Variants in ZNF70 observed in about 807,000 individuals in gnomAD.
ZNF70 encodes the protein zinc finger protein N27C7-1.
In ZNF70, 18 loss-of-function variants were observed where a neutral mutation model predicts 37.7. That is an observed-to-expected ratio of 0.48 (90% CI 0.33 to 0.71). The LOEUF (loss-of-function observed/expected upper bound fraction) is 0.71. Ranked by LOEUF, ZNF70 falls within the 30% of genes least tolerant of loss-of-function variation. The pLI, the probability that ZNF70 is intolerant of heterozygous loss-of-function variation, is 0.02. For missense variants in ZNF70, 506 were observed against 568.6 expected, an observed-to-expected ratio of 0.89 and a Z score of 1.12; for synonymous variants, 219 against 220.1, an observed-to-expected ratio of 0.99 and a Z score of 0.05.
At position 23,745,053 on chromosome 22, in the gene ZNF70, C is replaced by A; in HGVS notation, c.88G>T (p.Asp30Tyr). ...ESQQGLFPGE[D>Y]LGDPFLQERG... ...TCCTGAAGAAAAGGGTCCCCCAGGT[C>A]CTCCCCTGGGAAAAGCCCTTGTTGT... The change falls in exon 2 of 2, where the codon GAC (aspartate) becomes TAC (tyrosine). Residue 30 changes from aspartate to tyrosine, a missense_variant. Transcript: ENST00000341976. The A allele has an allele frequency of 1.9e-6, 3 of 1,614,204 alleles. No homozygotes were observed. The highest frequency in any genetic ancestry group is 2.5e-6 in the Non-Finnish European group (3 of 1,180,022).
At chr22:23,748,757 C>T (rs2145901139) in intron 1 of ZNF70, among the ~76,000 whole-genome samples, 1 of 152,042 alleles carries the variant, frequency 6.6e-6, no homozygotes, top group South Asian at 2.1e-4. Context: ...GTTGGCCAGG[C>T]TGGTCTCGAA....
chr22:23,744,601 G>C lies in ZNF70; in HGVS notation c.540C>G (p.Ser180Arg), dbSNP rs747159463. 1.9e-6 allele frequency: 3 copies of C among 1,613,860 alleles called. No individual in the cohort carries two copies. The highest frequency in any genetic ancestry group is 2.5e-6 in the Non-Finnish European group (3 of 1,179,892). ...TGATCTGGTGCCTGAGCAGGTGGGAGCTCTGGCTGAAGGCCTTCCCGCACT... is the reference window on the plus strand; with the variant it reads ...TGATCTGGTGCCTGAGCAGGTGGGACCTCTGGCTGAAGGCCTTCCCGCACT... ...CCECGKAFSQ[S>R]SHLLRHQIIH... Residue 180 changes from serine to arginine, a missense_variant, in exon 2 of 2, where the codon AGC becomes AGG. Physicochemically the swap from Ser to Arg is moderately radical, Grantham distance 110 (BLOSUM62 -1). Transcript: ENST00000341976.
rs149738181 is a variant in ZNF70 at position 23,744,242 on chromosome 22, C to T, written c.899G>A (p.Arg300Gln). Reference sequence around the variant, plus strand: ...GTATGGTTTCTTCCCAGTGTGGATCCGCTGGTGTCGGATGAGGTGTGACCT... The same window carrying T: ...GTATGGTTTCTTCCCAGTGTGGATCTGCTGGTGTCGGATGAGGTGTGACCT... The part of the protein sequence containing the change: ...CHRSHLIRHQ[R>Q]IHTGKKPYKC... Residue 300 changes from arginine (R) to glutamine (Q), a missense_variant, in exon 2 of 2, where the codon CGG becomes CAG. Transcript: ENST00000341976. 2.1e-5 allele frequency: 33 copies of T among 1,607,328 alleles called. No individual in the cohort carries two copies. The highest frequency in any genetic ancestry group is 4.4e-5 in the South Asian group (4 of 90,686).
Position 23,743,636 on chromosome 22 carries a change from C to T in ZNF70, c.*164G>A. On this transcript the variant is annotated 3_prime_UTR_variant, in exon 2 of 2. Transcript: ENST00000341976. Reference sequence around the variant, plus strand: ...CCTGCTGAGAGCTGGCGTGCTTGGCCCAGGGCCACACAGGGCCTTCCTGCT... The same window carrying T: ...CCTGCTGAGAGCTGGCGTGCTTGGCTCAGGGCCACACAGGGCCTTCCTGCT... The T allele has an allele frequency of 9.6e-7, 1 of 1,046,918 alleles. No individual in the cohort carries two copies. The highest frequency in any genetic ancestry group is 1.4e-6 in the Non-Finnish European group (1 of 725,716). 64.9% of individuals were successfully genotyped at this position (1,046,918 alleles called of 1,614,324 possible). A position where few individuals can be genotyped will look rare whatever the true frequency, so the allele number is the denominator to read the frequency against.
At position 23,745,017 on chromosome 22, in the gene ZNF70, C is replaced by G; in HGVS notation, c.124G>C (p.Glu42Gln). 1 of 1,614,164 alleles carries G rather than the reference C, an allele frequency of 6.2e-7. No individual in the cohort carries two copies. Among genetic ancestry groups the G allele is most frequent in the Non-Finnish European group, 8.5e-7 (1 of 1,180,026 alleles). ...GDPFLQERGL[E>Q]QMAVIYKEIP... ...TCCTTGTAGATCACAGCCATTTGCT[C>G]CAAACCTCTTTCCTGAAGAAAAGGG... Residue 42 changes from glutamate (E) to glutamine (Q), a missense_variant, in exon 2 of 2, where the codon GAG (glutamate) becomes CAG (glutamine). Coordinates refer to ENST00000341976, the MANE Select transcript of ZNF70 (RefSeq NM_021916.4).
chr22:23,747,940 C>A (rs1925186571), intron 1 of ZNF70, among the ~76,000 whole-genome samples: 1 of 152,176 alleles, frequency 6.6e-6, no homozygotes, highest in Non-Finnish European at 1.5e-5. Context: ...ACAGCCCACT[C>A]AGCACTCCCC....
rs1342158840 is a variant in ZNF70 at position 23,741,576 on chromosome 22, T to C, written c.*2224A>G. The C allele has an allele frequency of 1.3e-5, 2 of 152,258 alleles. No homozygotes were observed. Among genetic ancestry groups the C allele is most frequent in the East Asian group, 3.8e-4 (2 of 5,196 alleles). 9.4% of individuals were successfully genotyped at this position (152,258 alleles called of 1,614,324 possible). ...CTCTGGCCTATCAAGACCCACTTAG[T>C]AACAGTTATGGCTTTCCCATGTTTA... On this transcript the variant is annotated 3_prime_UTR_variant, in exon 2 of 2. Transcript: ENST00000341976.
At chr22:23,746,819 C>T (rs1037105469) in intron 1 of ZNF70, among the ~76,000 whole-genome samples, 1 of 152,132 alleles carries the variant, frequency 6.6e-6, no homozygotes, top group Non-Finnish European at 1.5e-5. Context: ...CCCCCCAACA[C>T]TTCTAATTTT....
chr22:23,747,250 G>T (rs1426048922), intron 1 of ZNF70, among the ~76,000 whole-genome samples: 2 of 152,190 alleles, frequency 1.3e-5, no homozygotes, highest in Non-Finnish European at 2.9e-5. Context: ...CATAGCAGGA[G>T]GTGAGCGGAA....
rs527998453 is a variant in ZNF70 at position 23,749,419 on chromosome 22, T to C, written c.-80+1292A>G. Among the ~76,000 whole-genome samples the C allele has an allele frequency of 9.0e-4, 109 of 120,974 alleles. 3 individuals carry two copies. The highest frequency in any genetic ancestry group is 9.0e-3 in the Admixed American group (99 of 11,060). The allele number at this position is 120,974 out of a possible 152,430, so 79.4% of individuals were successfully genotyped here. Reference sequence around the variant, plus strand: ...GGCAGGTGCCTGTAGTCCCAGCTACTTGGGAGGCTGAGGCAGGAGAATGGC... The same window carrying C: ...GGCAGGTGCCTGTAGTCCCAGCTACCTGGGAGGCTGAGGCAGGAGAATGGC... On this transcript the variant is annotated intron_variant, in intron 1 of 1. Transcript: ENST00000341976.
Position 23,743,884 on chromosome 22 carries a change from G to T in ZNF70, c.1257C>A (p.Tyr419Ter). 5 of 1,613,004 alleles carry T rather than the reference G, an allele frequency of 3.1e-6. No homozygotes were observed. The highest frequency in any genetic ancestry group is 4.2e-6 in the Non-Finnish European group (5 of 1,178,994). The change falls in exon 2 of 2, where the codon TAC (tyrosine) becomes TAA (stop). Residue 419 changes from tyrosine to a stop codon, truncating the protein, a stop_gained. Coordinates refer to ENST00000341976, the MANE Select transcript of ZNF70 (RefSeq NM_021916.4). LOFTEE classifies it high-confidence loss of function. The part of the protein sequence containing the change: ...HYKTHTREKP[Y>*]VCNLCGKSFR... ...AGGACTTGCCGCACAGATTGCACACGTAGGGCTTCTCTCTGGTGTGGGTTT... is the reference window on the plus strand; with the variant it reads ...AGGACTTGCCGCACAGATTGCACACTTAGGGCTTCTCTCTGGTGTGGGTTT...
At chr22:23,749,364 A>C (rs1312017891) in intron 1 of ZNF70, among the ~76,000 whole-genome samples, 3 of 135,058 alleles carry the variant, frequency 2.2e-5, no homozygotes, top group Non-Finnish European at 4.7e-5. Flanking sequence ...AAAAAAAAAA[A>C]AAAAAAAAAA....
chr22:23,739,466 T>C lies in ZNF70; in HGVS notation c.*4334A>G, dbSNP rs553782962. ...CACGCACGGCTAATTTTTTGTATTTTTAATAGAGACAGGGTTTCATCGTGT... is the reference window on the plus strand; with the variant it reads ...CACGCACGGCTAATTTTTTGTATTTCTAATAGAGACAGGGTTTCATCGTGT... On this transcript the variant is annotated 3_prime_UTR_variant, in exon 2 of 2. Coordinates refer to ENST00000341976, the MANE Select transcript of ZNF70 (RefSeq NM_021916.4). The C allele has an allele frequency of 5.9e-5, 9 of 151,898 alleles. No homozygotes were observed. The highest frequency in any genetic ancestry group is 2.2e-4 in the African/African-American group (9 of 41,422). The allele number at this position is 151,898 out of a possible 1,614,324, so 9.4% of individuals were successfully genotyped here.
chr22:23,746,575 C>T (rs942273024), intron 1 of ZNF70, among the ~76,000 whole-genome samples: 2 of 151,932 alleles, frequency 1.3e-5, no homozygotes, highest in Non-Finnish European at 2.9e-5. Context: ...AATCCATCTC[C>T]TGTCTGTCTG....
At position 23,743,443 on chromosome 22, in the gene ZNF70, A is replaced by G. The variant is rs1924950465; in HGVS notation, c.*357T>C. 2 of 228,976 alleles carry G rather than the reference A, an allele frequency of 8.7e-6. No homozygotes were observed. The highest frequency in any genetic ancestry group is 5.0e-5 in the Admixed American group (1 of 19,994). The allele number at this position is 228,976 out of a possible 1,614,324, so 14.2% of individuals were successfully genotyped here. On this transcript the variant is annotated 3_prime_UTR_variant, in exon 2 of 2. Transcript: ENST00000341976. The stretch of plus-strand genomic sequence containing the variant: ...TCTGATATTTTCCTGGGTTTAATTC[A>G]ACTTTCTCCCTCTTGGCATTTATTC...
chr22:23,749,240 C>A (rs769119878), intron 1 of ZNF70, among the ~76,000 whole-genome samples: 86 of 149,922 alleles, frequency 5.7e-4, no homozygotes, highest in Non-Finnish European at 1.0e-3. Context: ...CCCAGCTACT[C>A]CGGGAGGCTG....
At chr22:23,750,320 T>C (rs924257213) in intron 1 of ZNF70, among the ~76,000 whole-genome samples, 1 of 152,160 alleles carries the variant, frequency 6.6e-6, no homozygotes, top group Non-Finnish European at 1.5e-5. Flanking sequence ...TTTCCTTAGT[T>C]ACCAATATTT....
chr22:23,746,670 G>A (rs1438793650), intron 1 of ZNF70, among the ~76,000 whole-genome samples: 3 of 152,044 alleles, frequency 2.0e-5, no homozygotes, highest in African/African-American at 4.8e-5. Context: ...TTGGCTCACT[G>A]CAACCTCTGC....
Position 23,743,874 on chromosome 22 carries a change from G to C in ZNF70, c.1267C>G (p.Leu423Val). ...HTREKPYVCN[L>V]CGKSFRGSSH... ...CTCCCCCGGAAGGACTTGCCGCACAGATTGCACACGTAGGGCTTCTCTCTG... is the reference window on the plus strand; with the variant it reads ...CTCCCCCGGAAGGACTTGCCGCACACATTGCACACGTAGGGCTTCTCTCTG... Residue 423 changes from leucine (L) to valine (V), a missense_variant, in exon 2 of 2, where the codon CTG (leucine) becomes GTG (valine). Coordinates refer to ENST00000341976, the MANE Select transcript of ZNF70 (RefSeq NM_021916.4). 6.2e-7 allele frequency: 1 copy of C among 1,614,234 alleles called. No homozygotes were observed. Among genetic ancestry groups the C allele is most frequent in the Non-Finnish European group, 8.5e-7 (1 of 1,180,024 alleles).
Sources: gnomAD v4.1 joint callset for allele counts (sites outside exome capture counted in the v4.1 genomes callset) on GRCh38, gnomAD v4.1.1 for gene constraint, MANE v1.5 for transcripts, NCBI Gene and HGNC (gene_info 2026-07-23, HGNC 2026-07-21) for gene names.